ROS1: variants seen among roughly 807,000 people sequenced by gnomAD.
ROS1 encodes the protein ROS proto-oncogene 1, receptor tyrosine kinase, also known as proto-oncogene tyrosine-protein kinase ROS.
In ROS1, 263 loss-of-function variants were observed where a neutral mutation model predicts 273.5. The observed-to-expected ratio is 0.96, with a 90% CI of 0.87 to 1.06. ROS1 has a LOEUF of 1.06. Ranked by LOEUF, ROS1 falls within the 50% of genes least tolerant of loss-of-function variation. ROS1 has a pLI of 0.00. For missense variants in ROS1, 2,833 were observed against 2,751.1 expected, an observed-to-expected ratio of 1.03 and a Z score of -0.67; for synonymous variants, 1,008 against 954.1, an observed-to-expected ratio of 1.06 and a Z score of -1.04.
At chr6:117,417,476 T>C (rs1424461208) in intron 2 of ROS1, among the ~76,000 whole-genome samples, 1 of 151,856 alleles carries the variant, frequency 6.6e-6, no homozygotes, top group East Asian at 1.9e-4. Context: ...AGGACCCCTC[T>C]TGTTCCCACA....
chr6:117,329,212 C>T (rs1390367006), intron 33 of ROS1, 117 bp downstream of exon 33: 2 of 645,980 alleles, frequency 3.1e-6, no homozygotes, highest in East Asian at 5.2e-5. Flanking sequence ...AGTCCTTTAA[C>T]TAAAGATCTT....
In ROS1 at chr6:117,329,326, T is replaced by C. The variant is rs2128593028; in HGVS notation, c.5348+3A>G. 2 of 1,349,862 alleles carry C rather than the reference T, an allele frequency of 1.5e-6. No homozygotes were observed. Among genetic ancestry groups the C allele is most frequent in the Middle Eastern group, 1.8e-4 (1 of 5,542 alleles). 83.6% of individuals were successfully genotyped at this position (1,349,862 alleles called of 1,614,324 possible). Reference sequence around the variant, plus strand: ...TTTACAAGTACTTTGCAAACACACATACCTTATCTCAAGGATATAGTATGT... The same window carrying C: ...TTTACAAGTACTTTGCAAACACACACACCTTATCTCAAGGATATAGTATGT... On this transcript the variant is annotated splice_donor_region_variant and intron_variant, in intron 33 of 43. Coordinates refer to ENST00000368507, the MANE Select transcript of ROS1 (RefSeq NM_001378902.1).
chr6:117,301,182 T>A, intron 42 of ROS1, 45 bp from the exon 43 acceptor site: 6 of 1,471,676 alleles, frequency 4.1e-6, no homozygotes, highest in Non-Finnish European at 5.5e-6. Flanking sequence ...CAATTGGATA[T>A]AATTACTGAT....
At chr6:117,358,050 TA>T (rs1779479517) in intron 24 of ROS1, 41 bp from the exon 25 acceptor site, 3 of 1,372,666 alleles carry the variant, frequency 2.2e-6, no homozygotes, top group South Asian at 2.5e-5. Context: ...AGAGAGTGGT[TA>T]TTTTTTTATT....
intron 35 of ROS1, among the ~76,000 whole-genome samples, chr6:117,322,937 C>T (rs1270644554): frequency 6.6e-6 from 1 of 152,128 alleles, no homozygotes; most frequent in African/African-American, 2.4e-5. Flanking sequence ...TGTTCATCCA[C>T]TAGAGTTATG....
At chr6:117,392,727 G>T (rs1298757593) in intron 12 of ROS1, among the ~76,000 whole-genome samples, 2 of 152,184 alleles carry the variant, frequency 1.3e-5, no homozygotes, top group Non-Finnish European at 2.9e-5. Context: ...AGGAGGCAGA[G>T]TTATCAATCA....
intron 4 of ROS1, among the ~76,000 whole-genome samples, chr6:117,412,062 C>T (rs561396349): frequency 6.6e-6 from 1 of 152,156 alleles, no homozygotes; most frequent in African/African-American, 2.4e-5. Flanking sequence ...ACGATGAAAA[C>T]TTTGAGGCAG....
Position 117,389,906 on chromosome 6 carries a change from C to T in ROS1, c.1290-60G>A, listed in dbSNP as rs939702339. ...AGTCCAAAGGTTGATGAGTAACCTC[C>T]TCAGCTAATTGCTTCATTCTGTTGC... On this transcript the variant is annotated intron_variant, in intron 12 of 43. Coordinates refer to ENST00000368507, the MANE Select transcript of ROS1 (RefSeq NM_001378902.1). 7 of 1,425,512 alleles carry T rather than the reference C, an allele frequency of 4.9e-6. No individual in the cohort carries two copies. The African/African-American group carries it at 7.1e-5, about 14-fold the overall frequency. 88.3% of individuals were successfully genotyped at this position (1,425,512 alleles called of 1,614,324 possible). A position where few individuals can be genotyped will look rare whatever the true frequency, so the allele number is the denominator to read the frequency against.
rs772825686 is a variant in ROS1 at position 117,357,904 on chromosome 6, A to T, written c.3739T>A (p.Phe1247Ile). Reference sequence around the variant, plus strand: ...ACCTTGTGTTCAAGATCAACATCAAATACTTGCATTCCATTTTGTGATTCT... The same window carrying T: ...ACCTTGTGTTCAAGATCAACATCAATTACTTGCATTCCATTTTGTGATTCT... ...LKESQNGMQVFDVDLEHKVKY... is the reference protein window; with the variant it reads ...LKESQNGMQVIDVDLEHKVKY... The change falls in exon 25 of 44, where the codon TTT (phenylalanine) becomes ATT (isoleucine). Residue 1247 changes from phenylalanine (F) to isoleucine (I), a missense_variant. Coordinates refer to ENST00000368507, the MANE Select transcript of ROS1 (RefSeq NM_001378902.1). 2 of 1,613,538 alleles carry T rather than the reference A, an allele frequency of 1.2e-6. No homozygotes were observed. Among genetic ancestry groups the T allele is most frequent in the South Asian group, 2.2e-5 (2 of 91,070 alleles).
chr6:117,378,104 G>A (rs1014785445), intron 18 of ROS1, among the ~76,000 whole-genome samples: 2 of 152,078 alleles, frequency 1.3e-5, no homozygotes, highest in Admixed American at 6.5e-5. Flanking sequence ...CAAACATTTT[G>A]AAAAACTGGC....
Position 117,300,961 on chromosome 6 carries a change from G to A in ROS1, c.6715+13C>T. 1 of 1,540,358 alleles carries A rather than the reference G, an allele frequency of 6.5e-7. No individual in the cohort carries two copies. The highest frequency in any genetic ancestry group is 1.3e-5 in the South Asian group (1 of 76,448). ...GCAGCGAAAACTAGAAAATTCTGAA[G>A]AATCAAACTTACCTTCAAAGCTTTC... On this transcript the variant is annotated intron_variant, in intron 43 of 43. Coordinates refer to ENST00000368507, the MANE Select transcript of ROS1 (RefSeq NM_001378902.1).
At position 117,287,364 on chromosome 6, in the gene ROS1, T is replaced by C. The variant is rs2128519708; in HGVS notation, c.*1128A>G. On this transcript the variant is annotated 3_prime_UTR_variant, in exon 44 of 44. Transcript: ENST00000368507. ...TCACACAGCTTGAATTAACATTGTA[T>C]AATCATTTATATTTAATTTTAAGCA... is the stretch of plus-strand genomic sequence containing the variant. 6.6e-6 allele frequency among the ~76,000 whole-genome samples: 1 copy of C among 152,350 alleles called. No homozygotes were observed. The highest frequency in any genetic ancestry group is 1.9e-4 in the East Asian group (1 of 5,188).
At position 117,362,686 on chromosome 6, in the gene ROS1, C is replaced by G; in HGVS notation, c.3283G>C (p.Asp1095His). 1.2e-6 allele frequency: 2 copies of G among 1,613,442 alleles called. No homozygotes were observed. The highest frequency in any genetic ancestry group is 3.3e-5 in the Admixed American group (2 of 59,982). ...NQSITNKTCEDWIAVNVTPSV... is the reference protein window; with the variant it reads ...NQSITNKTCEHWIAVNVTPSV... The stretch of plus-strand genomic sequence containing the variant: ...GGAGTGACATTGACAGCAATCCAGT[C>G]TTCACATGTTTTGTTTGTAATACTT... The change falls in exon 22 of 44, where the codon GAC (aspartate) becomes CAC (histidine). Residue 1095 changes from aspartate to histidine, a missense_variant. Physicochemically the swap from Asp to His is moderately conservative, Grantham distance 81. Coordinates refer to ENST00000368507, the MANE Select transcript of ROS1 (RefSeq NM_001378902.1).
At chr6:117,362,551 C>T (rs1366913134) in intron 22 of ROS1, 52 bp downstream of exon 22, 1 of 1,535,368 alleles carries the variant, frequency 6.5e-7, no homozygotes, top group Admixed American at 1.8e-5. Context: ...CTTTCCCTCT[C>T]CCCACAATGC....
At chr6:117,392,046 T>A (rs930294890) in intron 12 of ROS1, among the ~76,000 whole-genome samples, 1 of 152,174 alleles carries the variant, frequency 6.6e-6, no homozygotes, top group Non-Finnish European at 1.5e-5. Context: ...ATTTGAATGA[T>A]CGATTAGTGG....
intron 9 of ROS1, 116 bp downstream of exon 9, chr6:117,396,072 A>G (rs1233093295): frequency 1.8e-6 from 1 of 567,108 alleles, no homozygotes; most frequent in East Asian, 2.7e-5. Context: ...GACAATAATC[A>G]TTTGGGCAGA....
Position 117,357,895 on chromosome 6 carries a change from C to G in ROS1, c.3748G>C (p.Asp1250His). The change falls in exon 25 of 44, where the codon GAT (aspartate) becomes CAT (histidine). Residue 1250 changes from aspartate (D) to histidine (H), a missense_variant. Transcript: ENST00000368507. The part of the protein sequence containing the change: ...SQNGMQVFDV[D>H]LEHKVKYPRE... Reference sequence around the variant, plus strand: ...GGATATTTCACCTTGTGTTCAAGATCAACATCAAATACTTGCATTCCATTT... The same window carrying G: ...GGATATTTCACCTTGTGTTCAAGATGAACATCAAATACTTGCATTCCATTT... The G allele has an allele frequency of 6.2e-7, 1 of 1,613,578 alleles. No individual in the cohort carries two copies. Among genetic ancestry groups the G allele is most frequent in the Non-Finnish European group, 8.5e-7 (1 of 1,179,658 alleles).
At chr6:117,353,209 T>A in intron 26 of ROS1, 43 bp from the exon 27 acceptor site, 1 of 1,372,412 alleles carries the variant, frequency 7.3e-7, no homozygotes, top group Non-Finnish European at 9.8e-7. Flanking sequence ...AAAATTAATA[T>A]CTTACATTTT....
At chr6:117,323,659 A>G (rs557698527) in intron 35 of ROS1, among the ~76,000 whole-genome samples, 20 of 152,310 alleles carry the variant, frequency 1.3e-4, no homozygotes, top group East Asian at 9.6e-4. Context: ...TAAAAGTCCA[A>G]TCAGTACTTG....
Sources: allele counts gnomAD v4.1 joint callset (sites outside exome capture counted in the v4.1 genomes callset), GRCh38; gene constraint gnomAD v4.1.1; transcripts MANE v1.5; gene names NCBI Gene and HGNC (gene_info 2026-07-23, HGNC 2026-07-21).